The following RDH5 variants were observed in gnomAD, a reference collection of about 807,000 sequenced individuals.
RDH5 encodes retinol dehydrogenase 5, also known as 11-cis RDH.
In RDH5, 25 loss-of-function variants were observed where a neutral mutation model predicts 24.0. That is an observed-to-expected ratio of 1.04 (90% CI 0.76 to 1.46). The LOEUF is 1.46. Among genes scored for constraint, RDH5 ranks in the 40% most tolerant of loss-of-function variants. RDH5 has a pLI of 0.00. For synonymous variants in RDH5, 170 were observed against 175.2 expected (o/e 0.97, Z 0.23); for missense variants, 369 against 410.3 (o/e 0.90, Z 0.87).
rs374702470 is a variant in RDH5, at chr12:55,721,262, C to T, written c.78C>T (p.Ala26=). Residue 26 remains alanine (A), a synonymous_variant, in exon 2 of 5, where the codon GCC becomes GCT. Coordinates refer to ENST00000257895, the MANE Select transcript of RDH5 (RefSeq NM_002905.5). This position sits in a 1 kb window ranked among gnomAD's most constrained non-coding sequence, Gnocchi z 4.7. The part of the protein sequence containing the change: ...WLLRDRQSLP[A]SNAFVFITGC... Reference sequence around the variant, plus strand: ...TCAGGGACCGGCAGAGCCTGCCCGCCAGCAATGCCTTTGTCTTCATCACCG... The same window carrying T: ...TCAGGGACCGGCAGAGCCTGCCCGCTAGCAATGCCTTTGTCTTCATCACCG... 1.1e-5 allele frequency: 17 copies of T among 1,613,990 alleles called. No individual in the cohort carries two copies. Among genetic ancestry groups the T allele is most frequent in the Middle Eastern group, 1.6e-4 (1 of 6,084 alleles).
chr12:55,721,272 T>G lies in RDH5; in HGVS notation c.88T>G (p.Phe30Val), dbSNP rs17852516. ...GCAGAGCCTGCCCGCCAGCAATGCC[T>G]TTGTCTTCATCACCGGCTGTGACTC... ...DRQSLPASNA[F>V]VFITGCDSGF... The change falls in exon 2 of 5, where the codon TTT becomes GTT. Residue 30 changes from phenylalanine (F) to valine (V), a missense_variant. Physicochemically the swap from Phe to Val is conservative, Grantham distance 50. Transcript: ENST00000257895. This position sits in a 1 kb window ranked among gnomAD's most constrained non-coding sequence, Gnocchi z 4.7. 6.2e-7 allele frequency: 1 copy of G among 1,614,112 alleles called. No homozygotes were observed. Among genetic ancestry groups the G allele is most frequent in the East Asian group, 2.2e-5 (1 of 44,880 alleles).
Position 55,721,948 on chromosome 12 carries a change from G to GT in RDH5, c.569+2dup. On this transcript the variant is annotated splice_donor_variant, in intron 3 of 4. Coordinates refer to ENST00000257895, the MANE Select transcript of RDH5 (RefSeq NM_002905.5). LOFTEE classifies it high-confidence loss of function. This position sits in a 1 kb window ranked among gnomAD's most constrained non-coding sequence, Gnocchi z 4.7. ...TGGAGGCCTTCTCTGACAGCCTGAG[G>GT]TGAGGGGTACAGGGCTCTGGGTTCC... The GT allele has an allele frequency of 6.2e-7, 1 of 1,612,818 alleles. No homozygotes were observed. Among genetic ancestry groups the GT allele is most frequent in the Non-Finnish European group, 8.5e-7 (1 of 1,179,670 alleles).
rs1437289652 is a variant in RDH5 at position 55,721,987 on chromosome 12, G to A, written c.569+40G>A. The A allele has an allele frequency of 6.2e-7, 1 of 1,604,514 alleles. No individual in the cohort carries two copies. Among genetic ancestry groups the A allele is most frequent in the South Asian group, 1.1e-5 (1 of 89,766 alleles). The stretch of plus-strand genomic sequence containing the variant: ...GCTCTGGGTTCCAGGACTAACAGCA[G>A]CCCACTCAACAAACGTGGGCCAGCA... On this transcript the variant is annotated intron_variant, in intron 3 of 4. Coordinates refer to ENST00000257895, the MANE Select transcript of RDH5 (RefSeq NM_002905.5). The surrounding 1 kb of genome is among the most constrained non-coding windows in gnomAD (Gnocchi z 4.7).
At chr12:55,723,308 C>T (rs1199778919) in intron 3 of RDH5, 1 of 155,378 alleles carries the variant, frequency 6.4e-6, no homozygotes, top group African/African-American at 2.4e-5. Flanking sequence ...TTTTTTTTAT[C>T]CCCTTCCCTC....
chr12:55,723,633 A>G lies in RDH5; in HGVS notation c.570-253A>G, dbSNP rs1445130500. 6 of 508,758 alleles carry G rather than the reference A, an allele frequency of 1.2e-5. No individual in the cohort carries two copies. In the East Asian group the frequency reaches 1.8e-4, roughly 15 times the overall value. The allele number at this position is 508,758 out of a possible 1,614,324, so 31.5% of individuals were successfully genotyped here. On this transcript the variant is annotated intron_variant, in intron 3 of 4. Coordinates refer to ENST00000257895, the MANE Select transcript of RDH5 (RefSeq NM_002905.5). ...CATTAATTTTGTTTCTTGGCCTGCC[A>G]TGCTTAAAATATTAACTCTCTGGCC... is the stretch of plus-strand genomic sequence containing the variant.
rs1275831160 is a variant in RDH5 at position 55,721,243 on chromosome 12, AC to A, written c.61del (p.Arg21GlyfsTer40). 2 of 1,613,862 alleles carry A rather than the reference AC, an allele frequency of 1.2e-6. No individual in the cohort carries two copies. Among genetic ancestry groups the A allele is most frequent in the Non-Finnish European group, 1.7e-6 (2 of 1,180,034 alleles). On this transcript the variant is annotated frameshift_variant, in exon 2 of 5. Coordinates refer to ENST00000257895, the MANE Select transcript of RDH5 (RefSeq NM_002905.5). LOFTEE classifies it high-confidence loss of function. This position sits in a 1 kb window ranked among gnomAD's most constrained non-coding sequence, Gnocchi z 4.7. ...TGGGCAGTGCTGTGGTTGCTCAGGG[AC>A]CGGCAGAGCCTGCCCGCCAGCAATG... is the stretch of plus-strand genomic sequence containing the variant. ...LLWAVLWLLRDRQSLPASNAF... is the reference protein window; with the variant it reads ...LLWAVLWLLRXRQSLPASNAF...
Position 55,721,681 on chromosome 12 carries a change from C to T in RDH5, c.311-8C>T. On this transcript the variant is annotated splice_polypyrimidine_tract_variant and splice_region_variant and intron_variant, in intron 2 of 4. Coordinates refer to ENST00000257895, the MANE Select transcript of RDH5 (RefSeq NM_002905.5). This position sits in a 1 kb window ranked among gnomAD's most constrained non-coding sequence, Gnocchi z 4.7. ...CCTACCCCCAGCATCCTTTTCATCT[C>T]CCCACAGGGCTTTTTGGTCTGGTGA... 1.2e-6 allele frequency: 2 copies of T among 1,609,200 alleles called. No homozygotes were observed. Among genetic ancestry groups the T allele is most frequent in the Non-Finnish European group, 1.7e-6 (2 of 1,179,990 alleles).
rs775251374 is a variant in RDH5, at chr12:55,721,448, C to G, written c.264C>G (p.Ser88Arg). 1 of 1,612,750 alleles carries G rather than the reference C, an allele frequency of 6.2e-7. No homozygotes were observed. The highest frequency in any genetic ancestry group is 1.1e-5 in the South Asian group (1 of 91,086). The change falls in exon 2 of 5, where the codon AGC (serine) becomes AGG (arginine). Residue 88 changes from serine (S) to arginine (R), a missense_variant. Physicochemically the swap from Ser to Arg is moderately radical, Grantham distance 110. Transcript: ENST00000257895. The surrounding 1 kb of genome is among the most constrained non-coding windows in gnomAD (Gnocchi z 4.7). Reference protein sequence around the residue: ...TTLLDITDPQSVQQAAKWVEM... With the variant: ...TTLLDITDPQRVQQAAKWVEM... ...TGTTGGATATCACTGATCCCCAGAG[C>G]GTCCAGCAGGCAGCCAAGTGGGTGG...
At chr12:55,724,203 C>A in intron 4 of RDH5, 119 bp from the exon 5 acceptor site, 1 of 1,436,184 alleles carries the variant, frequency 7.0e-7, no homozygotes, top group Non-Finnish European at 9.6e-7. Context: ...GTGGAACCTG[C>A]CCACTCCCCA....
Position 55,721,929 on chromosome 12 carries a change from C to G in RDH5, c.551C>G (p.Ala184Gly), listed in dbSNP as rs1208550240. 6.2e-7 allele frequency: 1 copy of G among 1,613,176 alleles called. No individual in the cohort carries two copies. Among genetic ancestry groups the G allele is most frequent in the African/African-American group, 1.3e-5 (1 of 75,014 alleles). Residue 184 changes from alanine (A) to glycine (G), a missense_variant, in exon 3 of 5, where the codon GCC becomes GGC. Physicochemically the swap from Ala to Gly is moderately conservative, Grantham distance 60 (BLOSUM62 0). Transcript: ENST00000257895. This position sits in a 1 kb window ranked among gnomAD's most constrained non-coding sequence, Gnocchi z 4.7. Reference protein sequence around the residue: ...GYCVSKFGLEAFSDSLRRDVA... With the variant: ...GYCVSKFGLEGFSDSLRRDVA... ...TGTGTCTCCAAATTTGGCCTGGAGG[C>G]CTTCTCTGACAGCCTGAGGTGAGGG...
At chr12:55,722,148 C>A in intron 3 of RDH5, 1 of 611,054 alleles carries the variant, frequency 1.6e-6, no homozygotes, top group Non-Finnish European at 2.8e-6. Context: ...CCATTTTTAA[C>A]GTGTTTGTTT....
At position 55,724,666 on chromosome 12, in the gene RDH5, A is replaced by G; in HGVS notation, c.*121A>G. The stretch of plus-strand genomic sequence containing the variant: ...AGCACTAACAAAAGTGTATTGTTTA[A>G]AAAATAAAAAGAAGGTGGGCAGAAA... On this transcript the variant is annotated 3_prime_UTR_variant, in exon 5 of 5. Coordinates refer to ENST00000257895, the MANE Select transcript of RDH5 (RefSeq NM_002905.5). The G allele has an allele frequency of 1.0e-6, 1 of 983,896 alleles. No individual in the cohort carries two copies. The allele number at this position is 983,896 out of a possible 1,614,324, so 60.9% of individuals were successfully genotyped here.
rs1318255564 is a variant in RDH5, at chr12:55,724,359, T to C, written c.771T>C (p.Cys257=). 3.1e-6 allele frequency: 5 copies of C among 1,614,106 alleles called. No individual in the cohort carries two copies. The highest frequency in any genetic ancestry group is 4.2e-6 in the Non-Finnish European group (5 of 1,180,044). The stretch of plus-strand genomic sequence containing the variant: ...AACAGCGCATCATGAACCTGATCTG[T>C]GACCCGGACCTAACCAAGGTGAGCC... ...KMQQRIMNLI[C]DPDLTKVSRC... is the part of the protein sequence containing the mutation. The change falls in exon 5 of 5, where the codon TGT becomes TGC. Residue 257 remains cysteine (C), a synonymous_variant. Coordinates refer to ENST00000257895, the MANE Select transcript of RDH5 (RefSeq NM_002905.5).
Position 55,724,046 on chromosome 12 carries a change from A to T in RDH5, c.730A>T (p.Lys244Ter). 6.2e-7 allele frequency: 1 copy of T among 1,609,210 alleles called. No homozygotes were observed. ...CCACTATGGGGGGGCCTTCCTCACC[A>T]AGTGTGAGTAGCCAGGCCCACACAG... is the stretch of plus-strand genomic sequence containing the variant. ...QAHYGGAFLT[K>*]YLKMQQRIMN... is the part of the protein sequence containing the mutation. Residue 244 changes from lysine (K) to a stop codon, truncating the protein, a stop_gained, in exon 4 of 5, where the codon AAG becomes TAG. Coordinates refer to ENST00000257895, the MANE Select transcript of RDH5 (RefSeq NM_002905.5). LOFTEE classifies it high-confidence loss of function.
chr12:55,724,532 A>G lies in RDH5; in HGVS notation c.944A>G (p.Gln315Arg), dbSNP rs765784736. Reference sequence around the variant, plus strand: ...ACCTGGGTCCTTCCCAAGCCTGCCCAAGCAGTCTACTGAATCCAGCCTTCC... The same window carrying G: ...ACCTGGGTCCTTCCCAAGCCTGCCCGAGCAGTCTACTGAATCCAGCCTTCC... ...VLTWVLPKPA[Q>R]AVY The change falls in exon 5 of 5, where the codon CAA becomes CGA. Residue 315 changes from glutamine to arginine, a missense_variant. Gln to Arg is a conservative substitution (Grantham distance 43). Transcript: ENST00000257895. 6.2e-7 allele frequency: 1 copy of G among 1,611,624 alleles called. No individual in the cohort carries two copies.
intron 3 of RDH5, 42 bp from the exon 4 acceptor site, chr12:55,723,844 A>G (rs1445911624): frequency 1.4e-5 from 22 of 1,608,354 alleles, no homozygotes; most frequent in South Asian, 4.4e-5. Context: ...TCCCCTCCCT[A>G]TAGGGCAAGA....
At position 55,723,931 on chromosome 12, in the gene RDH5, TG is replaced by T; in HGVS notation, c.617del (p.Gly206AlafsTer7). The stretch of plus-strand genomic sequence containing the variant: ...GGATACGAGTCTCCATCGTGGAGCC[TG>T]GCTTCTTCCGAACCCCTGTGACCAA... ...FGIRVSIVEP[G>X]FFRTPVTNLE... On this transcript the variant is annotated frameshift_variant, in exon 4 of 5. Transcript: ENST00000257895. LOFTEE classifies it high-confidence loss of function. The T allele has an allele frequency of 6.2e-7, 1 of 1,614,140 alleles. No homozygotes were observed. Among genetic ancestry groups the T allele is most frequent in the Non-Finnish European group, 8.5e-7 (1 of 1,180,030 alleles).
rs1877100569 is a variant in RDH5 at position 55,724,408 on chromosome 12, G to A, written c.820G>A (p.Ala274Thr). 7.4e-6 allele frequency: 12 copies of A among 1,614,200 alleles called. No homozygotes were observed. The highest frequency in any genetic ancestry group is 2.2e-5 in the East Asian group (1 of 44,890). Residue 274 changes from alanine to threonine, a missense_variant, in exon 5 of 5, where the codon GCT (alanine) becomes ACT (threonine). By Grantham distance (58) the Ala-to-Thr change is moderately conservative (BLOSUM62 0). Coordinates refer to ENST00000257895, the MANE Select transcript of RDH5 (RefSeq NM_002905.5). ...CCGATGCCTGGAGCATGCCCTGACT[G>A]CTCGACACCCCCGAACCCGCTACAG... ...VSRCLEHALT[A>T]RHPRTRYSPG...
Position 55,724,550 on chromosome 12 carries a change from A to T in RDH5, c.*5A>T, listed in dbSNP as rs1877112579. 6.2e-7 allele frequency: 1 copy of T among 1,608,616 alleles called. No homozygotes were observed. Among genetic ancestry groups the T allele is most frequent in the Non-Finnish European group, 8.5e-7 (1 of 1,179,228 alleles). On this transcript the variant is annotated 3_prime_UTR_variant, in exon 5 of 5. Transcript: ENST00000257895. Reference sequence around the variant, plus strand: ...CCTGCCCAAGCAGTCTACTGAATCCAGCCTTCCAGCAAGAGATTGTTTTTC... The same window carrying T: ...CCTGCCCAAGCAGTCTACTGAATCCTGCCTTCCAGCAAGAGATTGTTTTTC...
Sources: allele counts gnomAD v4.1 joint callset, GRCh38; gene constraint gnomAD v4.1.1; non-coding constraint Gnocchi (gnomAD v3.1); transcripts MANE v1.5; gene names NCBI Gene and HGNC (gene_info 2026-07-23, HGNC 2026-07-21).